Variants in TXNRD1 observed in about 807,000 individuals in gnomAD.
TXNRD1 encodes thioredoxin reductase 1, cytoplasmic.
A neutral mutation model predicts 80.3 loss-of-function variants in TXNRD1; 57 were observed. The ratio of observed to expected loss-of-function variants is 0.71; its 90% CI spans 0.57 to 0.89. TXNRD1 has a LOEUF of 0.89. Ranked by LOEUF, TXNRD1 falls within the 40% of genes least tolerant of loss-of-function variation. The pLI, the probability that TXNRD1 is intolerant of heterozygous loss-of-function variation, is 0.00. For missense variants in TXNRD1, 730 were observed against 803.0 expected (o/e 0.91, Z 1.10); for synonymous variants, 291 against 285.2 (o/e 1.02, Z -0.20).
At chr12:104,236,470 T>C (rs958509916) in intron 1 of TXNRD1, among the ~76,000 whole-genome samples, 5 of 152,144 alleles carry the variant, frequency 3.3e-5, no homozygotes, top group African/African-American at 1.2e-4. Context: ...CAAGGGATTT[T>C]AAAGGATTTT....
At chr12:104,281,519 G>A (rs1270376574) in intron 3 of TXNRD1, among the ~76,000 whole-genome samples, 2 of 146,458 alleles carry the variant, frequency 1.4e-5, no homozygotes, top group African/African-American at 5.1e-5. Context: ...CCATTCTCCT[G>A]CCTCAGCCTC....
At chr12:104,319,375 A>G in intron 8 of TXNRD1, 95 bp from the exon 9 acceptor site, 2 of 794,510 alleles carry the variant, frequency 2.5e-6, no homozygotes, top group East Asian at 2.7e-5. Flanking sequence ...TGAGGATGAA[A>G]TGAGACAATG....
intron 1 of TXNRD1, chr12:104,224,832 T>G: frequency 2.2e-6 from 1 of 456,686 alleles, no homozygotes; most frequent in Non-Finnish European, 4.4e-6. Context: ...CTTTCCCCCT[T>G]GGAAACTTCT....
intron 4 of TXNRD1, among the ~76,000 whole-genome samples, chr12:104,295,854 GTCC>G (rs2034419796): frequency 6.6e-6 from 1 of 152,110 alleles, no homozygotes; most frequent in African/African-American, 2.4e-5. Flanking sequence ...TATGCCTGTG[GTCC>G]CAGGCATATG....
chr12:104,328,946 A>G (rs2035862237), intron 13 of TXNRD1, among the ~76,000 whole-genome samples: 1 of 152,176 alleles, frequency 6.6e-6, no homozygotes, highest in Admixed American at 6.5e-5. Flanking sequence ...TTCCAGAAAC[A>G]TTAGTTGTAA....
intron 8 of TXNRD1, 59 bp from the exon 9 acceptor site, chr12:104,319,411 A>C (rs2035451673): frequency 1.8e-6 from 2 of 1,090,944 alleles, no homozygotes; most frequent in Admixed American, 4.6e-5. Context: ...GTTAACTATG[A>C]AGTTTACAAT....
At chr12:104,335,214 T>G (rs1032218373) in intron 15 of TXNRD1, among the ~76,000 whole-genome samples, 2 of 151,356 alleles carry the variant, frequency 1.3e-5, no homozygotes, top group Admixed American at 6.6e-5. Flanking sequence ...TTTTTTTTTT[T>G]TTTTTGAGAC....
intron 1 of TXNRD1, among the ~76,000 whole-genome samples, chr12:104,246,643 C>T (rs564559431): frequency 2.0e-5 from 3 of 151,218 alleles, no homozygotes; most frequent in Admixed American, 2.0e-4. Context: ...CTGCCTCAGC[C>T]TCCTGAGTAG....
At chr12:104,328,445 A>G (rs1390689078) in intron 13 of TXNRD1, among the ~76,000 whole-genome samples, 1 of 151,992 alleles carries the variant, frequency 6.6e-6, no homozygotes, top group Non-Finnish European at 1.5e-5. Context: ...AGGCCTTATT[A>G]CCCAGTCCTT....
At chr12:104,294,233 G>GCCC (rs1555212585) in intron 4 of TXNRD1, among the ~76,000 whole-genome samples, 10 of 68,880 alleles carry the variant, frequency 1.5e-4, no homozygotes, top group Non-Finnish European at 2.5e-4. Context: ...CCGGGGAAAG[G>GCCC]CCCCCCCCCC....
rs200808976 is a variant in TXNRD1 at position 104,311,361 on chromosome 12, C to T, written c.486C>T (p.Asp162=). 1.2e-4 allele frequency: 200 copies of T among 1,613,410 alleles called. No individual in the cohort carries two copies. Among genetic ancestry groups the T allele is most frequent in the Admixed American group, 3.3e-5 (2 of 59,916 alleles). ...NGPEDLPKSY[D]YDLIIIGGGS... ...CTGAAGATCTTCCCAAGTCCTATGA[C>T]TATGACCTTATCATCATTGGAGGTG... Residue 162 remains aspartate, a synonymous_variant, in exon 5 of 17, where the codon GAC becomes GAT. Coordinates refer to ENST00000525566, the MANE Select transcript of TXNRD1 (RefSeq NM_001093771.3).
At chr12:104,325,460 C>G in intron 11 of TXNRD1, 31 bp downstream of exon 11, 1 of 1,506,860 alleles carries the variant, frequency 6.6e-7, no homozygotes, top group Non-Finnish European at 9.2e-7. Context: ...AATACTTTAT[C>G]AGAAAGCAAA....
intron 11 of TXNRD1, among the ~76,000 whole-genome samples, chr12:104,325,898 G>A (rs2035744423): frequency 6.0e-5 from 9 of 150,912 alleles, no homozygotes; most frequent in Admixed American, 5.9e-4. Context: ...AGTTGTTTTG[G>A]TAAACGGATG....
At chr12:104,249,859 C>T (rs1017653626) in intron 1 of TXNRD1, among the ~76,000 whole-genome samples, 10 of 140,938 alleles carry the variant, frequency 7.1e-5, no homozygotes, top group Admixed American at 1.6e-4. Flanking sequence ...GGCGTGAACC[C>T]GGGAGGCGGA....
At chr12:104,286,592 T>TCC in intron 3 of TXNRD1, 1 of 425,510 alleles carries the variant, frequency 2.4e-6, no homozygotes, top group Non-Finnish European at 3.1e-6. Flanking sequence ...TGGAGTTTTT[T>TCC]TTTTTTTTTT....
At chr12:104,333,406 T>G (rs1054250612) in intron 14 of TXNRD1, among the ~76,000 whole-genome samples, 19 of 152,098 alleles carry the variant, frequency 1.2e-4, no homozygotes, top group Non-Finnish European at 2.5e-4. Flanking sequence ...GAGGAAACAA[T>G]TACTTATGGA....
chr12:104,248,725 T>C (rs957795695), intron 1 of TXNRD1, among the ~76,000 whole-genome samples: 3 of 152,228 alleles, frequency 2.0e-5, no homozygotes, highest in African/African-American at 7.2e-5. Context: ...TTACGGCAGA[T>C]ACTGCAGGTA....
In TXNRD1 at chr12:104,289,013, G is replaced by C. The variant is rs773469710; in HGVS notation, c.387G>C (p.Lys129Asn). 1 of 1,614,044 alleles carries C rather than the reference G, an allele frequency of 6.2e-7. No homozygotes were observed. Among genetic ancestry groups the C allele is most frequent in the South Asian group, 1.1e-5 (1 of 91,088 alleles). Residue 129 changes from lysine (K) to asparagine (N), a missense_variant, in exon 4 of 17, where the codon AAG becomes AAC. Transcript: ENST00000525566. ...CCGTTGTGTTTGTGAAACAGAGAAA[G>C]ATAGGCGGCCATGGTCCAACCTTGA... ...DLPVVFVKQR[K>N]IGGHGPTLKA...
intron 1 of TXNRD1, among the ~76,000 whole-genome samples, chr12:104,244,448 AT>A (rs899215804): frequency 6.4e-4 from 97 of 150,618 alleles, no homozygotes; most frequent in African/African-American, 2.2e-3. Flanking sequence ...TGCAACTTTA[AT>A]TTTTTTTTTA....
Sources: gnomAD v4.1 joint callset for allele counts (sites outside exome capture counted in the v4.1 genomes callset) on GRCh38, gnomAD v4.1.1 for gene constraint, MANE v1.5 for transcripts, NCBI Gene and HGNC (gene_info 2026-07-23, HGNC 2026-07-21) for gene names.